DMD: variants seen among roughly 807,000 people sequenced by gnomAD.
DMD encodes mutant dystrophin.
Under a neutral mutation model 330.1 loss-of-function variants are expected in DMD, and 63 were observed. That is an observed-to-expected ratio of 0.19 (90% CI 0.16 to 0.24). The LOEUF (loss-of-function observed/expected upper bound fraction) is 0.24. Ranked by LOEUF, DMD falls within the 10% of genes least tolerant of loss-of-function variation. DMD has a pLI of 1.00. For missense variants in DMD, 3,344 were observed against 2,684.1 expected (o/e 1.25, Z -5.43); for synonymous variants, 1,223 against 959.8 (o/e 1.27, Z -5.07).
At chrX:31,818,035 G>C (rs1283194025) in intron 50 of DMD, among the ~76,000 whole-genome samples, 1 of 111,316 alleles carries the variant, frequency 9.0e-6, no homozygotes, top group African/African-American at 3.3e-5. Flanking sequence ...TCTCTGTAAT[G>C]GTGTTTCTCA....
intron 44 of DMD, among the ~76,000 whole-genome samples, chrX:32,024,734 G>T (rs929960344): frequency 1.8e-5 from 2 of 110,991 alleles, no homozygotes; most frequent in Non-Finnish European, 3.8e-5. Flanking sequence ...TTAATGTAGA[G>T]AAAGTAATTT....
intron 13 of DMD, among the ~76,000 whole-genome samples, chrX:32,593,373 C>T (rs1182438143): frequency 1.8e-5 from 2 of 112,519 alleles, no homozygotes; most frequent in Non-Finnish European, 3.7e-5. Context: ...AAATAAGTTG[C>T]ATCCATTCTT....
At chrX:31,928,495 A>G (rs1029671102) in intron 47 of DMD, among the ~76,000 whole-genome samples, 2 of 110,797 alleles carry the variant, frequency 1.8e-5, no homozygotes, top group African/African-American at 3.3e-5. Context: ...AATCCCAGCT[A>G]CTAGGGAGGC....
At chrX:32,148,636 C>G (rs2096790013) in intron 44 of DMD, among the ~76,000 whole-genome samples, 2 of 110,619 alleles carry the variant, frequency 1.8e-5, no homozygotes, top group African/African-American at 6.6e-5. Context: ...AGATGATGCT[C>G]TAAGTCTGCT....
intron 76 of DMD, among the ~76,000 whole-genome samples, chrX:31,139,474 TACACACACACACACAC>T (rs57784155): frequency 9.1e-5 from 9 of 98,596 alleles, no homozygotes; most frequent in African/African-American, 3.4e-4. Context: ...GGTGTTTATA[TACACACACACACACAC>T]ACACACACAC....
At chrX:33,108,176 A>T (rs1331675103) in intron 1 of DMD, among the ~76,000 whole-genome samples, 3 of 23,363 alleles carry the variant, frequency 1.3e-4, no homozygotes, top group Non-Finnish European at 2.6e-4. Flanking sequence ...TAATTTTATT[A>T]GGTTTTTTTT....
At chrX:32,183,586 A>ATATATG (rs1557196749) in intron 44 of DMD, among the ~76,000 whole-genome samples, 1,580 of 98,950 alleles carry the variant, frequency 0.016, 21 homozygotes, top group Non-Finnish European at 0.022. Context: ...ATATATATAT[A>ATATATG]TATGTATGTA....
At chrX:32,075,047 A>G (rs2096332667) in intron 44 of DMD, among the ~76,000 whole-genome samples, 2 of 112,193 alleles carry the variant, frequency 1.8e-5, no homozygotes, top group Non-Finnish European at 1.9e-5. Context: ...TCGACTGGAG[A>G]GGAACAAAGC....
intron 41 of DMD, among the ~76,000 whole-genome samples, chrX:32,322,572 C>T (rs2097623579): frequency 9.1e-6 from 1 of 110,216 alleles, no homozygotes; most frequent in African/African-American, 3.3e-5. Flanking sequence ...AAAATAAAAA[C>T]AAAATAAAAT....
intron 64 of DMD, among the ~76,000 whole-genome samples, chrX:31,221,345 A>C (rs1184823696): frequency 8.9e-6 from 1 of 112,178 alleles, no homozygotes. Flanking sequence ...TTCACAATAG[A>C]TCTTTCCCCT....
At chrX:32,333,763 G>C (rs913365687) in intron 41 of DMD, among the ~76,000 whole-genome samples, 1 of 109,838 alleles carries the variant, frequency 9.1e-6, no homozygotes, top group East Asian at 2.9e-4. Flanking sequence ...CTTTAAGGAG[G>C]GGTTTTATTT....
chrX:32,215,112 T>A (rs1466138613), intron 44 of DMD, among the ~76,000 whole-genome samples: 2 of 111,485 alleles, frequency 1.8e-5, no homozygotes, highest in Non-Finnish European at 3.8e-5. Flanking sequence ...ATATACTACA[T>A]GGGATTAGCC....
chrX:32,812,211 A>G (rs1407594886), intron 6 of DMD, among the ~76,000 whole-genome samples: 3 of 112,048 alleles, frequency 2.7e-5, no homozygotes, highest in Non-Finnish European at 3.8e-5. Flanking sequence ...ATACAGTTTT[A>G]GAATATTTGA....
chrX:31,946,178 A>G (rs755656403), intron 45 of DMD, among the ~76,000 whole-genome samples: 48 of 112,171 alleles, frequency 4.3e-4, no homozygotes, highest in Non-Finnish European at 5.4e-4. Context: ...TGGTGGTTGT[A>G]ACAGTGAGTC....
At chrX:33,316,153 C>T (rs747220664) in intron 1 of DMD, among the ~76,000 whole-genome samples, 17 of 110,492 alleles carry the variant, frequency 1.5e-4, no homozygotes, top group Non-Finnish European at 3.0e-4. Flanking sequence ...GAAAAACATA[C>T]TCAACTTTCA....
intron 7 of DMD, among the ~76,000 whole-genome samples, chrX:32,776,723 G>A (rs1360932744): frequency 9.0e-6 from 1 of 111,723 alleles, no homozygotes; most frequent in Non-Finnish European, 1.9e-5. Context: ...GACTTGGGTA[G>A]GGGACACAGA....
At chrX:31,149,927 T>C (rs2037193402) in intron 74 of DMD, among the ~76,000 whole-genome samples, 1 of 112,023 alleles carries the variant, frequency 8.9e-6, no homozygotes, top group Admixed American at 9.5e-5. Context: ...CCCTGTATGA[T>C]ACTGATCCTT....
Position 32,586,716 on chromosome X carries a change from T to C in DMD, c.1602+9041A>G, listed in dbSNP as rs180851093. 2.1e-4 allele frequency among the ~76,000 whole-genome samples: 23 copies of C among 110,695 alleles called. No individual in the cohort carries two copies. In the East Asian group the frequency reaches 3.7e-3, roughly 18 times the overall value. On this transcript the variant is annotated intron_variant, in intron 13 of 78. Transcript: ENST00000357033. ...AAATTTCTACTATGAATTTGAGAGATTGGGAGAAATCTCAGGTTGAGTTGT... is the reference window on the plus strand; with the variant it reads ...AAATTTCTACTATGAATTTGAGAGACTGGGAGAAATCTCAGGTTGAGTTGT...
intron 51 of DMD, among the ~76,000 whole-genome samples, chrX:31,746,021 T>G (rs2087804925): frequency 8.9e-6 from 1 of 112,354 alleles, no homozygotes; most frequent in African/African-American, 3.2e-5. Context: ...GTACTCCTAT[T>G]TCTAGGAAAG....
Sources: allele counts gnomAD v4.1 joint callset (sites outside exome capture counted in the v4.1 genomes callset), GRCh38; gene constraint gnomAD v4.1.1; transcripts MANE v1.5; gene names NCBI Gene and HGNC (gene_info 2026-07-23, HGNC 2026-07-21).